The following NAALADL2 variants were observed in gnomAD, a reference collection of about 807,000 sequenced individuals.
NAALADL2 encodes the protein N-acetylated alpha-linked acidic dipeptidase like 2.
NAALADL2 carries 76 observed loss-of-function variants against 87.2 expected under a neutral mutation model. The observed-to-expected ratio is 0.87, with a 90% CI of 0.72 to 1.05. The LOEUF (loss-of-function observed/expected upper bound fraction) is 1.05, where lower values mean the gene tolerates loss of function less well. Among genes scored for constraint, NAALADL2 ranks in the 50% least tolerant of loss-of-function variants. The pLI is 0.00. For missense variants in NAALADL2, 1,089 were observed against 945.8 expected (o/e 1.15, Z -1.99); for synonymous variants, 354 against 331.0 (o/e 1.07, Z -0.75).
chr3:175,201,876 G>C (rs1156675159), intron 2 of NAALADL2, among the ~76,000 whole-genome samples: 1 of 151,648 alleles, frequency 6.6e-6, no homozygotes, highest in Non-Finnish European at 1.5e-5. Context: ...GGAGGTAGTG[G>C]GATTAATAGA....
intron 5 of NAALADL2, among the ~76,000 whole-genome samples, chr3:175,341,077 A>G (rs1762523319): frequency 6.6e-6 from 1 of 152,112 alleles, no homozygotes; most frequent in Non-Finnish European, 1.5e-5. Context: ...GCGTATTCAC[A>G]GAGTTCTGCA....
chr3:175,012,462 C>G (rs1749962861), intron 1 of NAALADL2, among the ~76,000 whole-genome samples: 1 of 152,160 alleles, frequency 6.6e-6, no homozygotes, highest in Non-Finnish European at 1.5e-5. Context: ...GCCACCGTGC[C>G]TGGCCCATAA....
At chr3:175,201,150 A>T (rs1401641044) in intron 2 of NAALADL2, among the ~76,000 whole-genome samples, 1 of 152,142 alleles carries the variant, frequency 6.6e-6, no homozygotes, top group Non-Finnish European at 1.5e-5. Flanking sequence ...AAAATCCCTG[A>T]AGGTTGGGAC....
At chr3:174,573,804 G>C (rs1715204432) in intron 2 of NAALADL2, among the ~76,000 whole-genome samples, 1 of 152,102 alleles carries the variant, frequency 6.6e-6, no homozygotes, top group Admixed American at 6.6e-5. Context: ...CCATACTCAT[G>C]ATCCAAACAC....
chr3:175,531,406 G>C (rs990977790), intron 9 of NAALADL2, among the ~76,000 whole-genome samples: 1 of 152,144 alleles, frequency 6.6e-6, no homozygotes, highest in South Asian at 2.1e-4. Context: ...AATTTTAGTC[G>C]TATTTATTTC....
chr3:174,624,464 A>G (rs1445181200), intron 2 of NAALADL2, among the ~76,000 whole-genome samples: 1 of 152,100 alleles, frequency 6.6e-6, no homozygotes, highest in Non-Finnish European at 1.5e-5. Context: ...TCTCTATTAA[A>G]AGTATGAAAA....
chr3:174,590,368 C>T (rs980618657), intron 2 of NAALADL2, among the ~76,000 whole-genome samples: 7 of 152,016 alleles, frequency 4.6e-5, no homozygotes, highest in African/African-American at 1.7e-4. Flanking sequence ...CTATGCAATA[C>T]ATAATATTTT....
chr3:174,648,963 TTTG>T (rs1053711826), intron 2 of NAALADL2, among the ~76,000 whole-genome samples: 5 of 152,008 alleles, frequency 3.3e-5, no homozygotes, highest in Non-Finnish European at 4.4e-5. Flanking sequence ...TTGTTTTTGT[TTTG>T]TTGTTGTTGT....
intron 2 of NAALADL2, among the ~76,000 whole-genome samples, chr3:175,157,972 C>A (rs1484103249): frequency 6.6e-6 from 1 of 151,956 alleles, no homozygotes; most frequent in Admixed American, 6.6e-5. Flanking sequence ...CTCCATGCAC[C>A]AAAACCAAAG....
chr3:175,791,823 C>T (rs1172665449), intron 13 of NAALADL2, among the ~76,000 whole-genome samples: 1 of 149,688 alleles, frequency 6.7e-6, no homozygotes, highest in African/African-American at 2.5e-5. Flanking sequence ...TGCAGCACAC[C>T]TATTTTGTGC....
chr3:175,040,796 G>A (rs1324636001), intron 1 of NAALADL2, among the ~76,000 whole-genome samples: 1 of 151,856 alleles, frequency 6.6e-6, no homozygotes, highest in Admixed American at 6.6e-5. Flanking sequence ...CTCTGTGAAG[G>A]GTGTTCATGC....
At chr3:175,014,645 A>T (rs942321759) in intron 1 of NAALADL2, among the ~76,000 whole-genome samples, 2 of 152,170 alleles carry the variant, frequency 1.3e-5, no homozygotes, top group Non-Finnish European at 2.9e-5. Flanking sequence ...ATATACCAGA[A>T]TATAATATTC....
intron 5 of NAALADL2, among the ~76,000 whole-genome samples, chr3:175,379,707 C>T (rs546252665): frequency 8.6e-4 from 131 of 151,952 alleles, no homozygotes; most frequent in African/African-American, 2.8e-3. Flanking sequence ...ACCTGGCCCA[C>T]AGTCCACATC....
At chr3:174,923,387 T>G (rs1258659868) in intron 1 of NAALADL2, among the ~76,000 whole-genome samples, 2 of 152,052 alleles carry the variant, frequency 1.3e-5, no homozygotes, top group African/African-American at 4.8e-5. Context: ...AATCAATAAC[T>G]AAATATTATT....
Position 175,324,222 on chromosome 3 carries a change from C to A in NAALADL2, c.987C>A (p.Ile329=). The A allele has an allele frequency of 6.2e-7, 1 of 1,613,498 alleles. No individual in the cohort carries two copies. The highest frequency in any genetic ancestry group is 1.1e-5 in the South Asian group (1 of 91,058). Residue 329 remains isoleucine, a synonymous_variant, in exon 5 of 14, where the codon ATC becomes ATA. Coordinates refer to ENST00000454872, the MANE Select transcript of NAALADL2 (RefSeq NM_207015.3). ...KAGFGGVLLY[I]DPCDLPKTVN... ...GATTTGGAGGTGTTCTTCTGTATATCGATCCTTGTGATTTGCCAAAGACTG... is the reference window on the plus strand; with the variant it reads ...GATTTGGAGGTGTTCTTCTGTATATAGATCCTTGTGATTTGCCAAAGACTG...
At chr3:175,639,136 G>T (rs539475068) in intron 11 of NAALADL2, among the ~76,000 whole-genome samples, 4 of 152,012 alleles carry the variant, frequency 2.6e-5, no homozygotes, top group Non-Finnish European at 5.9e-5. Context: ...ACGCCATAAA[G>T]CATCATGTTT....
chr3:174,609,623 C>T (rs545389527), intron 2 of NAALADL2, among the ~76,000 whole-genome samples: 1 of 152,210 alleles, frequency 6.6e-6, no homozygotes, highest in African/African-American at 2.4e-5. Context: ...TGAAGGACCT[C>T]TTCAAGGAGA....
chr3:175,722,983 AC>A (rs1245898540), intron 11 of NAALADL2, among the ~76,000 whole-genome samples: 2 of 152,018 alleles, frequency 1.3e-5, no homozygotes, highest in Non-Finnish European at 2.9e-5. Flanking sequence ...GCTCACACAA[AC>A]TTTGGAGAAC....
chr3:175,695,884 A>G (rs1737734099), intron 11 of NAALADL2, among the ~76,000 whole-genome samples: 1 of 152,132 alleles, frequency 6.6e-6, no homozygotes, highest in African/African-American at 2.4e-5. Context: ...CGTGCTTATT[A>G]GATTAAAATG....
Sources: gnomAD v4.1 joint callset for allele counts (sites outside exome capture counted in the v4.1 genomes callset) on GRCh38, gnomAD v4.1.1 for gene constraint, MANE v1.5 for transcripts, NCBI Gene and HGNC (gene_info 2026-07-23, HGNC 2026-07-21) for gene names.